The following ZHX3 variants were observed in gnomAD, a reference collection of about 807,000 sequenced individuals.
ZHX3 encodes zinc fingers and homeoboxes 3.
ZHX3 carries 20 observed loss-of-function variants against 64.5 expected under a neutral mutation model. That is an observed-to-expected ratio of 0.31 (90% CI 0.22 to 0.45). The LOEUF is 0.45. ZHX3 is among the 20% of genes least tolerant of loss of function. ZHX3 has a pLI of 1.00. For missense variants in ZHX3, 1,041 were observed against 1,195.8 expected (o/e 0.87, Z 1.91); for synonymous variants, 423 against 461.6 (o/e 0.92, Z 1.07).
chr20:41,292,013 T>TTA (rs560391695), intron 1 of ZHX3, among the ~76,000 whole-genome samples: 10 of 94,710 alleles, frequency 1.1e-4, no homozygotes, highest in Non-Finnish European at 1.4e-4. Flanking sequence ...ACCTCATCTT[T>TTA]AAAAAAAAAA....
At chr20:41,210,776 A>G (rs1049192739) in intron 2 of ZHX3, among the ~76,000 whole-genome samples, 1 of 152,222 alleles carries the variant, frequency 6.6e-6, no homozygotes, top group Non-Finnish European at 1.5e-5. Context: ...CCAACATGGC[A>G]CATGTATACC....
At chr20:41,188,408 C>CCTCCT (rs2036714522) in intron 3 of ZHX3, 1 of 102,596 alleles carries the variant, frequency 9.7e-6, no homozygotes. Context: ...CCACCCCCAC[C>CCTCCT]TTTTTTTTTT....
Position 41,185,012 on chromosome 20 carries a change from G to C in ZHX3, c.*179C>G. ...CATCTTGCTTGCTGCTTGCTTGGTG[G>C]TGGGCAGGCCGAGGGTAGCGGCAGG... On this transcript the variant is annotated 3_prime_UTR_variant, in exon 4 of 4. Transcript: ENST00000683867. This position sits in a 1 kb window ranked among gnomAD's most constrained non-coding sequence, Gnocchi z 5.0. The C allele has an allele frequency of 6.4e-7, 1 of 1,551,362 alleles. No homozygotes were observed. The highest frequency in any genetic ancestry group is 8.7e-7 in the Non-Finnish European group (1 of 1,147,012).
intron 2 of ZHX3, among the ~76,000 whole-genome samples, chr20:41,241,911 T>C (rs2041405681): frequency 6.6e-6 from 1 of 152,198 alleles, no homozygotes; most frequent in Non-Finnish European, 1.5e-5. Flanking sequence ...TTTATAAAAG[T>C]AAGCTCAAGC....
At chr20:41,196,402 T>TAAA (rs1555826531) in intron 3 of ZHX3, among the ~76,000 whole-genome samples, 7,665 of 54,150 alleles carry the variant, frequency 0.14, 795 homozygotes, top group South Asian at 0.28. Flanking sequence ...TTTATATATA[T>TAAA]TATATATTAT....
intron 2 of ZHX3, among the ~76,000 whole-genome samples, chr20:41,241,698 C>A (rs2146451693): frequency 6.6e-6 from 1 of 152,154 alleles, no homozygotes; most frequent in South Asian, 2.1e-4. Context: ...CAGTTTTGTT[C>A]TTTTTGCTCT....
chr20:41,238,947 TGA>T (rs2041192505), intron 2 of ZHX3, among the ~76,000 whole-genome samples: 1 of 151,714 alleles, frequency 6.6e-6, no homozygotes, highest in Non-Finnish European at 1.5e-5. Flanking sequence ...AGGTTGAGTT[TGA>T]GTCAGTTGCT....
At chr20:41,237,134 G>GA (rs780617078) in intron 2 of ZHX3, among the ~76,000 whole-genome samples, 1 of 152,160 alleles carries the variant, frequency 6.6e-6, no homozygotes, top group Non-Finnish European at 1.5e-5. Context: ...AGAGGATCTG[G>GA]AAAAATAGGA....
At chr20:41,198,774 T>C (rs970151307) in intron 3 of ZHX3, among the ~76,000 whole-genome samples, 5 of 152,120 alleles carry the variant, frequency 3.3e-5, no homozygotes, top group Non-Finnish European at 7.4e-5. Flanking sequence ...TCTTTAAATA[T>C]TCTTTCTGTC....
At chr20:41,255,387 G>A (rs958841382) in intron 2 of ZHX3, among the ~76,000 whole-genome samples, 3 of 152,040 alleles carry the variant, frequency 2.0e-5, no homozygotes, top group Non-Finnish European at 4.4e-5. Flanking sequence ...TCCTGACCTC[G>A]TGATCCACCT....
In ZHX3 at chr20:41,204,558, G is replaced by C; in HGVS notation, c.359C>G (p.Thr120Ser). 6.2e-7 allele frequency: 1 copy of C among 1,614,196 alleles called. No individual in the cohort carries two copies. Among genetic ancestry groups the C allele is most frequent in the Non-Finnish European group, 8.5e-7 (1 of 1,180,038 alleles). The part of the protein sequence containing the change: ...VCSGCSFLAK[T>S]PEGLSLHNAT... ...ATTGTGCAAGGAAAGCCCCTCAGGG[G>C]TTTTTGCCAGAAAACTGCACCCACT... Residue 120 changes from threonine (T) to serine (S), a missense_variant, in exon 3 of 4, where the codon ACC (threonine) becomes AGC (serine). Physicochemically the swap from Thr to Ser is moderately conservative, Grantham distance 58. Transcript: ENST00000683867. The surrounding 1 kb of genome is among the most constrained non-coding windows in gnomAD (Gnocchi z 6.6).
At chr20:41,225,390 C>T (rs2040197828) in intron 2 of ZHX3, among the ~76,000 whole-genome samples, 1 of 152,238 alleles carries the variant, frequency 6.6e-6, no homozygotes, top group Non-Finnish European at 1.5e-5. Flanking sequence ...TTAACTGTAA[C>T]AGCTAGAGGT....
At chr20:41,227,981 AT>A (rs2040375376) in intron 2 of ZHX3, among the ~76,000 whole-genome samples, 1 of 152,042 alleles carries the variant, frequency 6.6e-6, no homozygotes, top group Non-Finnish European at 1.5e-5. Context: ...TTGCTCATCA[AT>A]CTTTGGTGCA....
intron 3 of ZHX3, among the ~76,000 whole-genome samples, chr20:41,199,422 T>A (rs1369563908): frequency 6.6e-6 from 1 of 152,220 alleles, no homozygotes; most frequent in African/African-American, 2.4e-5. Flanking sequence ...GAGCCAACTA[T>A]TTGTGACTTT....
At chr20:41,290,705 G>A (rs1222142129) in intron 1 of ZHX3, 1 of 152,232 alleles carries the variant, frequency 6.6e-6, no homozygotes, top group African/African-American at 2.4e-5. Context: ...CTAGTATGCA[G>A]TAGGAAGGCA....
chr20:41,273,566 GC>G (rs1362829931), intron 1 of ZHX3, among the ~76,000 whole-genome samples: 3 of 152,048 alleles, frequency 2.0e-5, no homozygotes, highest in African/African-American at 7.2e-5. Context: ...TCATTCTTTT[GC>G]ATGTAGATAA....
intron 2 of ZHX3, among the ~76,000 whole-genome samples, chr20:41,223,756 T>C (rs2040096856): frequency 1.3e-5 from 2 of 152,140 alleles, no homozygotes; most frequent in Non-Finnish European, 2.9e-5. Flanking sequence ...AATAAATACA[T>C]AAGTGGAAAA....
intron 3 of ZHX3, among the ~76,000 whole-genome samples, chr20:41,190,201 G>A (rs1218077279): frequency 1.3e-5 from 2 of 152,124 alleles, no homozygotes; most frequent in African/African-American, 4.8e-5. Flanking sequence ...AAGCACAGGG[G>A]TGCAATCTTG....
chr20:41,311,400 T>C (rs375292911), intron 1 of ZHX3, among the ~76,000 whole-genome samples: 9 of 152,346 alleles, frequency 5.9e-5, no homozygotes, highest in Admixed American at 1.3e-4. Flanking sequence ...AGCTAGAAAG[T>C]GGCAAAGGTA....
Sources: allele counts gnomAD v4.1 joint callset (sites outside exome capture counted in the v4.1 genomes callset), GRCh38; gene constraint gnomAD v4.1.1; non-coding constraint Gnocchi (gnomAD v3.1); transcripts MANE v1.5; gene names NCBI Gene and HGNC (gene_info 2026-07-23, HGNC 2026-07-21).